Variants in HK2 observed in about 807,000 individuals in gnomAD.
HK2 encodes hexokinase-2.
In HK2, 42 loss-of-function variants were observed where a neutral mutation model predicts 92.9. That is an observed-to-expected ratio of 0.45 (90% CI 0.35 to 0.58). The LOEUF (loss-of-function observed/expected upper bound fraction) is 0.58. Ranked by LOEUF, HK2 falls within the 20% of genes least tolerant of loss-of-function variation. The pLI is 0.00. For synonymous variants in HK2, 422 were observed against 468.0 expected (o/e 0.90, Z 1.27); for missense variants, 978 against 1,245.1 (o/e 0.79, Z 3.23).
chr2:74,841,690 G>A lies in HK2; in HGVS notation c.63+7047G>A, dbSNP rs1051730299. On this transcript the variant is annotated intron_variant, in intron 1 of 17. Coordinates refer to ENST00000290573, the MANE Select transcript of HK2 (RefSeq NM_000189.5). Reference sequence around the variant, plus strand: ...GCTGGGGGGCAGGTTTCCAGGGAACGGGAGCTAGTTGCTGTTTCTGTATTC... The same window carrying A: ...GCTGGGGGGCAGGTTTCCAGGGAACAGGAGCTAGTTGCTGTTTCTGTATTC... Among the ~76,000 whole-genome samples, 9 of 152,322 alleles carry A rather than the reference G, an allele frequency of 5.9e-5. No individual in the cohort carries two copies. In the South Asian group the frequency reaches 8.3e-4, roughly 14 times the overall value.
At chr2:74,835,057 G>A (rs1177206112) in intron 1 of HK2, 15 of 274,324 alleles carry the variant, frequency 5.5e-5, no homozygotes, top group Non-Finnish European at 9.9e-5. Context: ...AGGCTGCTCC[G>A]CTGCCGCGTG....
At chr2:74,840,549 G>A (rs935543554) in intron 1 of HK2, among the ~76,000 whole-genome samples, 9 of 151,848 alleles carry the variant, frequency 5.9e-5, no homozygotes, top group African/African-American at 2.2e-4. Flanking sequence ...AACACTGTAC[G>A]TAGTCTGTCT....
chr2:74,888,152 C>T (rs955760013), intron 16 of HK2, 94 bp downstream of exon 16: 2 of 1,371,676 alleles, frequency 1.5e-6, no homozygotes, highest in East Asian at 2.3e-5. Context: ...GGGCATGACT[C>T]ATACAAAAGT....
chr2:74,889,728 GTGCTGAATCAGTCCCT>G (rs551978411), intron 17 of HK2, among the ~76,000 whole-genome samples: 217 of 152,258 alleles, frequency 1.4e-3, no homozygotes, highest in African/African-American at 5.1e-3. Context: ...GGTAAGTGTT[GTGCTGAATCAGTCCCT>G]TGCTTTTCTT....
chr2:74,879,389 G>A (rs186023716), intron 9 of HK2, among the ~76,000 whole-genome samples: 1 of 152,168 alleles, frequency 6.6e-6, no homozygotes, highest in African/African-American at 2.4e-5. Context: ...TGTCAGCTGA[G>A]ACCTGGAAGA....
At position 74,874,327 on chromosome 2, in the gene HK2, T is replaced by C. The variant is rs2229622; in HGVS notation, c.753T>C (p.Asp251=). The C allele has an allele frequency of 0.22, 347,271 of 1,613,760 alleles. 42,958 individuals carry two copies. Among genetic ancestry groups the C allele is most frequent in the African/African-American group, 0.55 (40,866 of 74,892 alleles). ...EMRHIDMVEG[D]EGRMCINMEW... ...GCCACATCGACATGGTGGAAGGCGA[T>C]GAGGGGCGGATGTGTATCAATATGG... The change falls in exon 7 of 18, where the codon GAT becomes GAC. Residue 251 remains aspartate (D), a synonymous_variant. Transcript: ENST00000290573.
intron 1 of HK2, among the ~76,000 whole-genome samples, chr2:74,852,835 A>G (rs1274250070): frequency 1.3e-5 from 2 of 152,234 alleles, no homozygotes; most frequent in East Asian, 3.8e-4. Context: ...ATGAGCACAG[A>G]GGCTGCATTA....
chr2:74,836,460 G>A (rs1328715611), intron 1 of HK2, among the ~76,000 whole-genome samples: 1 of 152,154 alleles, frequency 6.6e-6, no homozygotes, highest in East Asian at 1.9e-4. Context: ...TGGACAGCCC[G>A]TTTCTCTTTG....
At chr2:74,883,532 G>A (rs1689451001) in intron 12 of HK2, among the ~76,000 whole-genome samples, 2 of 152,190 alleles carry the variant, frequency 1.3e-5, no homozygotes, top group African/African-American at 4.8e-5. Context: ...CAAGGAAAGA[G>A]CAGCATTTCC....
intron 1 of HK2, among the ~76,000 whole-genome samples, chr2:74,850,172 G>C (rs185890535): frequency 6.6e-6 from 1 of 152,344 alleles, no homozygotes; most frequent in African/African-American, 2.4e-5. Context: ...GAGGAGAGGG[G>C]AAGGTGTTTG....
Position 74,892,572 on chromosome 2 carries a change from C to T in HK2, c.*1631C>T, listed in dbSNP as rs1284330261. ...CTGAATCTGAAAGCCCGCCTCTGTCCTAAAATACAAACAAGCACAGACATT... is the reference window on the plus strand; with the variant it reads ...CTGAATCTGAAAGCCCGCCTCTGTCTTAAAATACAAACAAGCACAGACATT... On this transcript the variant is annotated 3_prime_UTR_variant, in exon 18 of 18. Transcript: ENST00000290573. 2 of 152,116 alleles carry T rather than the reference C, an allele frequency of 1.3e-5. No homozygotes were observed. Among genetic ancestry groups the T allele is most frequent in the East Asian group, 1.9e-4 (1 of 5,204 alleles). 9.4% of individuals were successfully genotyped at this position (152,116 alleles called of 1,614,324 possible). A position where few individuals can be genotyped will look rare whatever the true frequency, so the allele number is the denominator to read the frequency against.
In HK2 at chr2:74,867,790, A is replaced by G; in HGVS notation, c.375+6A>G. On this transcript the variant is annotated splice_donor_region_variant and intron_variant, in intron 3 of 17. Transcript: ENST00000290573. ...TGCGAGGCAGTGGCACCCAGGTATG[A>G]CCCTTCTCTCAGGGCAGCCCCTGGT... The G allele has an allele frequency of 6.2e-6, 10 of 1,613,904 alleles. No individual in the cohort carries two copies. The highest frequency in any genetic ancestry group is 8.5e-6 in the Non-Finnish European group (10 of 1,179,894).
intron 1 of HK2, among the ~76,000 whole-genome samples, chr2:74,843,970 C>T (rs1558787669): frequency 6.6e-6 from 1 of 152,204 alleles, no homozygotes; most frequent in African/African-American, 2.4e-5. Context: ...CTGTTATTAT[C>T]TATTATTCAA....
rs1165684769 is a variant in HK2, at chr2:74,846,222, A to G, written c.64-8071A>G. Among the ~76,000 whole-genome samples the G allele has an allele frequency of 2.6e-5, 4 of 152,218 alleles. No homozygotes were observed. The East Asian group carries it at 7.7e-4, about 29-fold the overall frequency. On this transcript the variant is annotated intron_variant, in intron 1 of 17. Coordinates refer to ENST00000290573, the MANE Select transcript of HK2 (RefSeq NM_000189.5). ...TTGTGTGGCCAGATTTAAATGATGG[A>G]TCTCTCTTTGTTTGGCCTCTTTTGA... is the stretch of plus-strand genomic sequence containing the variant.
At chr2:74,875,929 A>G (rs1689220389) in intron 7 of HK2, among the ~76,000 whole-genome samples, 1 of 152,220 alleles carries the variant, frequency 6.6e-6, no homozygotes, top group Non-Finnish European at 1.5e-5. Context: ...CATCCATGGT[A>G]GCCCTGAAGT....
rs748625527 is a variant in HK2, at chr2:74,872,368, C to G, written c.444C>G (p.Leu148=). ...MDKLQIKDKK[L]PLGFTFSFPC... ...AGCTACAAATCAAAGACAAGAAGCT[C>G]CCACTGGGTTTTACCTTCTCGTTCC... is the stretch of plus-strand genomic sequence containing the variant. The change falls in exon 4 of 18, where the codon CTC becomes CTG. Residue 148 remains leucine (L), a synonymous_variant. Coordinates refer to ENST00000290573, the MANE Select transcript of HK2 (RefSeq NM_000189.5). 41 of 1,613,964 alleles carry G rather than the reference C, an allele frequency of 2.5e-5. 1 individual carries two copies. The highest frequency in any genetic ancestry group is 3.3e-5 in the Non-Finnish European group (39 of 1,179,970).
rs184321170 is a variant in HK2, at chr2:74,849,457, G to C, written c.64-4836G>C. On this transcript the variant is annotated intron_variant, in intron 1 of 17. Transcript: ENST00000290573. ...TGGCAGGCAGACGGGAAGGTAACCC[G>C]TTCTTCAGCCAGGCTTTGCTCTGGC... Among the ~76,000 whole-genome samples, 2 of 152,170 alleles carry C rather than the reference G, an allele frequency of 1.3e-5. 1 individual carries two copies. Among genetic ancestry groups the C allele is most frequent in the African/African-American group, 4.8e-5 (2 of 41,424 alleles).
At position 74,877,384 on chromosome 2, in the gene HK2, G is replaced by T; in HGVS notation, c.1031+63G>T. On this transcript the variant is annotated intron_variant, in intron 8 of 17. Transcript: ENST00000290573. ...CCACACGAGTTGACGGGTAGTTGGG[G>T]AATGAGGAGGGGGCTGTACCTTTTG... The T allele has an allele frequency of 1.9e-6, 3 of 1,571,828 alleles. No homozygotes were observed. In the South Asian group the frequency reaches 3.3e-5, roughly 17 times the overall value.
intron 15 of HK2, among the ~76,000 whole-genome samples, chr2:74,887,688 G>A (rs562539820): frequency 6.6e-6 from 1 of 152,076 alleles, no homozygotes; most frequent in African/African-American, 2.4e-5. Flanking sequence ...CACGGGCCTC[G>A]GGCACTGTGG....
Sources: allele counts gnomAD v4.1 joint callset (sites outside exome capture counted in the v4.1 genomes callset), GRCh38; gene constraint gnomAD v4.1.1; transcripts MANE v1.5; gene names NCBI Gene and HGNC (gene_info 2026-07-23, HGNC 2026-07-21).